Variants in F13A1 observed in about 807,000 individuals in gnomAD.
F13A1 encodes FSF, A subunit.
F13A1 carries 47 observed loss-of-function variants against 80.1 expected under a neutral mutation model. That is an observed-to-expected ratio of 0.59 (90% CI 0.46 to 0.75). The LOEUF is 0.75. F13A1 is among the 30% of genes least tolerant of loss of function. The pLI is 0.00. For synonymous variants in F13A1, 349 were observed against 344.9 expected (o/e 1.01, Z -0.13); for missense variants, 817 against 930.4 (o/e 0.88, Z 1.59).
At chr6:6,238,395 A>G (rs1040306951) in intron 6 of F13A1, among the ~76,000 whole-genome samples, 4 of 152,174 alleles carry the variant, frequency 2.6e-5, no homozygotes, top group Non-Finnish European at 2.9e-5. Context: ...AGTTCAAATT[A>G]TAAAGCTTCA....
chr6:6,314,430 C>T (rs144810615), intron 2 of F13A1, among the ~76,000 whole-genome samples: 1 of 152,280 alleles, frequency 6.6e-6, no homozygotes, highest in African/African-American at 2.4e-5. Context: ...CTTATATCTT[C>T]TCTTTCATCT....
chr6:6,218,822 C>T (rs1757143317), intron 8 of F13A1, among the ~76,000 whole-genome samples: 1 of 152,196 alleles, frequency 6.6e-6, no homozygotes, highest in South Asian at 2.1e-4. Flanking sequence ...CAGAGCCAAA[C>T]TTGTCACTCC....
intron 2 of F13A1, among the ~76,000 whole-genome samples, chr6:6,316,169 G>A (rs1758683675): frequency 9.2e-6 from 1 of 108,230 alleles, no homozygotes. Context: ...TTCTCATCTG[G>A]GACTTGCTGT....
At chr6:6,311,885 C>A (rs1758606481) in intron 2 of F13A1, among the ~76,000 whole-genome samples, 1 of 145,630 alleles carries the variant, frequency 6.9e-6, no homozygotes, top group African/African-American at 2.5e-5. Context: ...AAACTATAAA[C>A]CCATGAGTTT....
At chr6:6,166,991 A>G (rs1009857241) in intron 13 of F13A1, among the ~76,000 whole-genome samples, 4 of 152,230 alleles carry the variant, frequency 2.6e-5, no homozygotes, top group African/African-American at 9.6e-5. Flanking sequence ...ATACAAAATC[A>G]TCATCAAGCT....
At position 6,174,644 on chromosome 6, in the gene F13A1, G is replaced by A. The variant is rs1034575507; in HGVS notation, c.1683C>T (p.Tyr561=). 1 of 1,614,096 alleles carries A rather than the reference G, an allele frequency of 6.2e-7. No individual in the cohort carries two copies. The highest frequency in any genetic ancestry group is 8.5e-7 in the Non-Finnish European group (1 of 1,180,052). ...TAYLSANITF[Y]TGVPKAEFKK... ...TGAATTCTGCCTTCGGGACCCCGGT[G>A]TAGAAGGTGATGTTGGCTGAGAGAT... Residue 561 remains tyrosine (Y), a synonymous_variant, in exon 12 of 15, where the codon TAC becomes TAT. Coordinates refer to ENST00000264870, the MANE Select transcript of F13A1 (RefSeq NM_000129.4).
intron 6 of F13A1, among the ~76,000 whole-genome samples, chr6:6,233,143 A>T (rs1467923382): frequency 3.3e-5 from 5 of 152,138 alleles, no homozygotes; most frequent in Non-Finnish European, 7.4e-5. Flanking sequence ...ACAAAAATAC[A>T]AAAGATAAAT....
intron 13 of F13A1, among the ~76,000 whole-genome samples, chr6:6,157,536 A>C (rs944748491): frequency 2.0e-5 from 3 of 152,184 alleles, no homozygotes; most frequent in African/African-American, 7.2e-5. Flanking sequence ...GTTGAGGACG[A>C]GGATTATAAG....
At chr6:6,211,479 A>G (rs1373859489) in intron 8 of F13A1, among the ~76,000 whole-genome samples, 1 of 152,272 alleles carries the variant, frequency 6.6e-6, no homozygotes, top group Non-Finnish European at 1.5e-5. Context: ...CAAACCCTTA[A>G]GCATCTTTAA....
At chr6:6,196,808 G>A (rs1192745496) in intron 9 of F13A1, among the ~76,000 whole-genome samples, 1 of 152,054 alleles carries the variant, frequency 6.6e-6, no homozygotes, top group Non-Finnish European at 1.5e-5. Context: ...GCCAGGTTCT[G>A]GAAAAACAAT....
intron 6 of F13A1, among the ~76,000 whole-genome samples, chr6:6,245,357 G>A (rs1419799325): frequency 6.6e-6 from 1 of 152,062 alleles, no homozygotes. Flanking sequence ...TGAGTAACTG[G>A]AATTACAGGC....
chr6:6,173,530 C>T (rs1222467917), intron 12 of F13A1, among the ~76,000 whole-genome samples: 2 of 151,956 alleles, frequency 1.3e-5, no homozygotes, highest in Admixed American at 6.6e-5. Flanking sequence ...GCCTCAGCCT[C>T]CTGAGTAGCT....
chr6:6,214,154 G>A (rs1183791288), intron 8 of F13A1, among the ~76,000 whole-genome samples: 2 of 134,826 alleles, frequency 1.5e-5, no homozygotes, highest in Non-Finnish European at 3.2e-5. Flanking sequence ...CCCAGGAATT[G>A]AACTCAGCTC....
At chr6:6,203,877 G>A (rs996461024) in intron 8 of F13A1, among the ~76,000 whole-genome samples, 1 of 152,096 alleles carries the variant, frequency 6.6e-6, no homozygotes, top group Non-Finnish European at 1.5e-5. Flanking sequence ...TTCTTACTTT[G>A]GTATTTTTTC....
In F13A1 at chr6:6,291,338, A is replaced by C. The variant is rs1055735926; in HGVS notation, c.319+14013T>G. Reference sequence around the variant, plus strand: ...TGATTCTTCCCTCTCTGCCTGCTACATGTTCCAGTCCCTCCAATCCTGAAA... The same window carrying C: ...TGATTCTTCCCTCTCTGCCTGCTACCTGTTCCAGTCCCTCCAATCCTGAAA... On this transcript the variant is annotated intron_variant, in intron 3 of 14. Transcript: ENST00000264870. 2.0e-5 allele frequency among the ~76,000 whole-genome samples: 3 copies of C among 152,000 alleles called. No individual in the cohort carries two copies. In the East Asian group the frequency reaches 5.8e-4, roughly 29 times the overall value.
chr6:6,317,842 C>T (rs1758706563), intron 2 of F13A1, among the ~76,000 whole-genome samples: 1 of 152,206 alleles, frequency 6.6e-6, no homozygotes, highest in Non-Finnish European at 1.5e-5. Context: ...ATGTCCCTGC[C>T]ATGGCCCAGG....
intron 14 of F13A1, among the ~76,000 whole-genome samples, chr6:6,148,269 C>A (rs1760318705): frequency 6.6e-6 from 1 of 152,188 alleles, no homozygotes; most frequent in African/African-American, 2.4e-5. Flanking sequence ...GGGGGAAGAG[C>A]AGGAAGATAA....
intron 3 of F13A1, among the ~76,000 whole-genome samples, chr6:6,289,836 A>G (rs1231855153): frequency 6.6e-6 from 1 of 151,730 alleles, no homozygotes; most frequent in East Asian, 1.9e-4. Flanking sequence ...TCTAGAATGT[A>G]TACAATTTCC....
chr6:6,228,966 A>G (rs770183200), intron 6 of F13A1, among the ~76,000 whole-genome samples: 5 of 152,150 alleles, frequency 3.3e-5, no homozygotes, highest in South Asian at 2.1e-4. Flanking sequence ...TAAGGGAAAG[A>G]GCAGACCCTA....
Sources: gnomAD v4.1 joint callset for allele counts (sites outside exome capture counted in the v4.1 genomes callset) on GRCh38, gnomAD v4.1.1 for gene constraint, MANE v1.5 for transcripts, NCBI Gene and HGNC (gene_info 2026-07-23, HGNC 2026-07-21) for gene names.